The following RANBP17 variants were observed in gnomAD, a reference collection of about 807,000 sequenced individuals.
The protein encoded by RANBP17 is ran-binding protein 17.
RANBP17 carries 158 observed loss-of-function variants against 141.2 expected under a neutral mutation model. The ratio of observed to expected loss-of-function variants is 1.12; its 90% CI spans 0.98 to 1.28. The LOEUF (loss-of-function observed/expected upper bound fraction) is 1.28, where lower values mean the gene tolerates loss of function less well. RANBP17 is among the 50% of genes most tolerant of loss of function. RANBP17 has a pLI of 0.00. For synonymous variants in RANBP17, 430 were observed against 450.0 expected (o/e 0.96, Z 0.56); for missense variants, 1,438 against 1,290.7 (o/e 1.11, Z -1.75).
At chr5:171,109,167 G>C (rs1755048183) in intron 14 of RANBP17, among the ~76,000 whole-genome samples, 1 of 152,118 alleles carries the variant, frequency 6.6e-6, no homozygotes, top group African/African-American at 2.4e-5. Flanking sequence ...GGAATATGTA[G>C]ACCTTAATCC....
rs1581177602 is a variant in RANBP17, at chr5:170,933,205, G to T, written c.1468+8655G>T. Among the ~76,000 whole-genome samples, 8 of 152,272 alleles carry T rather than the reference G, an allele frequency of 5.3e-5. 1 individual carries two copies. The South Asian group carries it at 1.7e-3, about 32-fold the overall frequency. ...TTTTCTAATTTATTTGTGTAGAGGTGTTTATAGTATTCTCTGATGGTAGTC... is the reference window on the plus strand; with the variant it reads ...TTTTCTAATTTATTTGTGTAGAGGTTTTTATAGTATTCTCTGATGGTAGTC... On this transcript the variant is annotated intron_variant, in intron 12 of 27. Transcript: ENST00000523189.
intron 14 of RANBP17, among the ~76,000 whole-genome samples, chr5:171,133,241 T>TACATTTACACA (rs1210448919): frequency 6.6e-6 from 1 of 152,214 alleles, no homozygotes; most frequent in African/African-American, 2.4e-5. Context: ...GAGTTATGTT[T>TACATTTACACA]TTTGAAAAAT....
chr5:171,049,174 T>G (rs934620657), intron 14 of RANBP17, among the ~76,000 whole-genome samples: 1 of 151,842 alleles, frequency 6.6e-6, no homozygotes, highest in Non-Finnish European at 1.5e-5. Flanking sequence ...ATAGTTACTC[T>G]GACTGGTGTG....
In RANBP17 at chr5:170,897,446, G is replaced by A. The variant is rs184023167; in HGVS notation, c.489+1331G>A. ...TTATACTTTAAGTTCTTGGATACAT[G>A]TGCAGAATGTACAGGTTTGTTACAT... On this transcript the variant is annotated intron_variant, in intron 5 of 27. Transcript: ENST00000523189. The A allele has an allele frequency of 1.2e-3, 438 of 379,272 alleles. 1 individual carries two copies. The highest frequency in any genetic ancestry group is 1.1e-3 in the Non-Finnish European group (218 of 198,882). The allele number at this position is 379,272 out of a possible 1,614,324, so 23.5% of individuals were successfully genotyped here.
chr5:170,916,440 A>T (rs755290862), intron 8 of RANBP17, 25 bp from the exon 9 acceptor site: 42 of 1,509,076 alleles, frequency 2.8e-5, no homozygotes, highest in Middle Eastern at 1.9e-4. Context: ...GAAAATTGAA[A>T]TGAAATTTTT....
chr5:171,039,251 T>G (rs1314324456), intron 14 of RANBP17, among the ~76,000 whole-genome samples: 3 of 150,934 alleles, frequency 2.0e-5, no homozygotes, highest in Non-Finnish European at 4.4e-5. Context: ...GTTGGTTTTT[T>G]TTTTTTTTTT....
At chr5:171,232,540 G>GA (rs760626206) in intron 22 of RANBP17, among the ~76,000 whole-genome samples, 7 of 151,422 alleles carry the variant, frequency 4.6e-5, no homozygotes, top group South Asian at 2.1e-4. Flanking sequence ...CCATGGGGGG[G>GA]AAAAATCCAG....
chr5:171,289,767 C>T (rs927904066), intron 25 of RANBP17, among the ~76,000 whole-genome samples: 1 of 151,848 alleles, frequency 6.6e-6, no homozygotes, highest in Non-Finnish European at 1.5e-5. Flanking sequence ...CAGTGGCTCA[C>T]GCCTGTAATC....
rs1771760901 is a variant in RANBP17 at position 170,914,197 on chromosome 5, T to C, written c.791T>C (p.Phe264Ser). 6.2e-7 allele frequency: 1 copy of C among 1,609,988 alleles called. No homozygotes were observed. The highest frequency in any genetic ancestry group is 1.3e-5 in the African/African-American group (1 of 74,832). Residue 264 changes from phenylalanine to serine, a missense_variant, in exon 8 of 28, where the codon TTC (phenylalanine) becomes TCC (serine). Physicochemically the swap from Phe to Ser is radical, Grantham distance 155. Transcript: ENST00000523189. ...IFLEPETLDL[F>S]FNLYHSLPPL... Reference sequence around the variant, plus strand: ...CTGGAACCAGAAACATTGGATCTTTTCTTCAATTTGTATCATTCACTTCCA... The same window carrying C: ...CTGGAACCAGAAACATTGGATCTTTCCTTCAATTTGTATCATTCACTTCCA...
intron 24 of RANBP17, among the ~76,000 whole-genome samples, chr5:171,259,996 TATAAA>T (rs1452493965): frequency 6.2e-5 from 9 of 145,974 alleles, no homozygotes; most frequent in African/African-American, 2.0e-4. Context: ...AATAAATAAA[TATAAA>T]ATAAAAATAA....
chr5:171,215,084 G>A (rs1763140959), intron 21 of RANBP17, among the ~76,000 whole-genome samples: 1 of 151,192 alleles, frequency 6.6e-6, no homozygotes, highest in Admixed American at 6.6e-5. Context: ...GCCCCGGTGT[G>A]TGATGTTCCC....
intron 12 of RANBP17, among the ~76,000 whole-genome samples, chr5:170,938,062 C>G (rs921197169): frequency 6.6e-6 from 1 of 152,160 alleles, no homozygotes; most frequent in African/African-American, 2.4e-5. Context: ...CTGACCTCCT[C>G]CCTCCCAGCC....
At chr5:171,021,598 T>G (rs536738891) in intron 14 of RANBP17, among the ~76,000 whole-genome samples, 1 of 152,366 alleles carries the variant, frequency 6.6e-6, no homozygotes, top group East Asian at 1.9e-4. Context: ...GAAGTTCTCC[T>G]GCTGTGTTAT....
intron 21 of RANBP17, among the ~76,000 whole-genome samples, chr5:171,218,574 C>A (rs1053757306): frequency 3.9e-5 from 6 of 151,952 alleles, no homozygotes; most frequent in Non-Finnish European, 2.9e-5. Flanking sequence ...CTAGGTGCTC[C>A]TGTATTGGGT....
Position 171,183,148 on chromosome 5 carries a change from A to G in RANBP17, c.1866-19A>G, listed in dbSNP as rs774118459. ...TGATATTACAAATATATTTCCTTAGATTCCTTAACTTCTATTACTTATATC... is the reference window on the plus strand; with the variant it reads ...TGATATTACAAATATATTTCCTTAGGTTCCTTAACTTCTATTACTTATATC... On this transcript the variant is annotated intron_variant, in intron 16 of 27. Transcript: ENST00000523189. The G allele has an allele frequency of 2.3e-6, 3 of 1,307,738 alleles. No homozygotes were observed. Among genetic ancestry groups the G allele is most frequent in the Middle Eastern group, 1.9e-4 (1 of 5,226 alleles). 81.0% of individuals were successfully genotyped at this position (1,307,738 alleles called of 1,614,324 possible).
At chr5:170,910,647 TA>T in intron 6 of RANBP17, 1 of 192,672 alleles carries the variant, frequency 5.2e-6, no homozygotes, top group Non-Finnish European at 1.1e-5. Context: ...TTTCACAATA[TA>T]TCTAAAAGGT....
intron 2 of RANBP17, 146 bp downstream of exon 2, chr5:170,878,389 G>A (rs1768374789): frequency 6.5e-6 from 4 of 613,792 alleles, no homozygotes. Flanking sequence ...CTGTCAAAGG[G>A]GTTAATCAGG....
At chr5:171,294,210 G>A (rs896142046) in intron 26 of RANBP17, among the ~76,000 whole-genome samples, 5 of 152,146 alleles carry the variant, frequency 3.3e-5, no homozygotes, top group African/African-American at 1.2e-4. Context: ...GGAGCCCAGA[G>A]CCCCCACTCA....
At chr5:171,205,863 ATGATTGT>A in intron 20 of RANBP17, 1 of 545,258 alleles carries the variant, frequency 1.8e-6, no homozygotes, top group Non-Finnish European at 3.4e-6. Context: ...CTTCCCCCAA[ATGATTGT>A]TTATGTTGGA....
Sources: gnomAD v4.1 joint callset for allele counts (sites outside exome capture counted in the v4.1 genomes callset) on GRCh38, gnomAD v4.1.1 for gene constraint, MANE v1.5 for transcripts, NCBI Gene and HGNC (gene_info 2026-07-23, HGNC 2026-07-21) for gene names.